Variants in PLK1 observed in about 807,000 individuals in gnomAD.
PLK1 encodes serine/threonine-protein kinase PLK1.
Under a neutral mutation model 56.7 loss-of-function variants are expected in PLK1, and 6 were observed. That is an observed-to-expected ratio of 0.11 (90% CI 0.06 to 0.21). The LOEUF (loss-of-function observed/expected upper bound fraction) is 0.21. Ranked by LOEUF, PLK1 falls within the 10% of genes least tolerant of loss-of-function variation. The pLI is 1.00. For synonymous variants in PLK1, 298 were observed against 325.0 expected, an observed-to-expected ratio of 0.92 and a Z score of 0.89; for missense variants, 546 against 814.4, an observed-to-expected ratio of 0.67 and a Z score of 4.01.
At chr16:23,683,587 G>T (rs375950393) in intron 4 of PLK1, among the ~76,000 whole-genome samples, 3 of 152,300 alleles carry the variant, frequency 2.0e-5, no homozygotes, top group African/African-American at 7.2e-5. Context: ...TGAGGGCTAA[G>T]TGAGCTAAAC....
rs1387460801 is a variant in PLK1 at position 23,680,148 on chromosome 16, G to A, written c.473G>A (p.Arg158Gln). The A allele has an allele frequency of 6.2e-7, 1 of 1,613,968 alleles. No homozygotes were observed. The highest frequency in any genetic ancestry group is 8.5e-7 in the Non-Finnish European group (1 of 1,179,930). The change falls in exon 2 of 10, where the codon CGG becomes CAG. Residue 158 changes from arginine to glutamine, a missense_variant. Arg to Gln is a conservative substitution (Grantham distance 43). Around this residue, in one of 7 missense-constraint regions of PLK1, gnomAD observed 111 missense variants for 211.8 expected, o/e 0.52. Coordinates refer to ENST00000300093, the MANE Select transcript of PLK1 (RefSeq NM_005030.6). ...LTEPEARYYL[R>Q]QIVLGCQYLH... ...GAGCCTGAGGCCCGATACTACCTAC[G>A]GCAAATTGTGCTTGGCTGCCAGTAC...
intron 5 of PLK1, among the ~76,000 whole-genome samples, chr16:23,686,176 C>T (rs548544173): frequency 6.6e-6 from 1 of 152,104 alleles, no homozygotes; most frequent in African/African-American, 2.4e-5. Context: ...GTAGTTGAGA[C>T]TTTAGGCATG....
Position 23,689,854 on chromosome 16 carries a change from T to A in PLK1, c.1609-6T>A, listed in dbSNP as rs889631112. On this transcript the variant is annotated splice_polypyrimidine_tract_variant and splice_region_variant and intron_variant, in intron 9 of 9. Coordinates refer to ENST00000300093, the MANE Select transcript of PLK1 (RefSeq NM_005030.6). The surrounding 1 kb of genome is among the most constrained non-coding windows in gnomAD (Gnocchi z 4.8). The stretch of plus-strand genomic sequence containing the variant: ...ATCGCCAACCCCTGCTGCTCTTCTC[T>A]TGCAGGATCACACCAAGCTCATCTT... 1.9e-6 allele frequency: 3 copies of A among 1,612,320 alleles called. No homozygotes were observed. The African/African-American group carries it at 4.0e-5, about 21-fold the overall frequency.
intron 3 of PLK1, 97 bp from the exon 4 acceptor site, chr16:23,681,967 A>G (rs915629965): frequency 5.5e-6 from 4 of 724,644 alleles, no homozygotes; most frequent in Non-Finnish European, 1.0e-5. Flanking sequence ...GTGAGTGTCC[A>G]GAGGATGCCT....
At position 23,689,950 on chromosome 16, in the gene PLK1, C is replaced by T. The variant is rs777321975; in HGVS notation, c.1699C>T (p.Leu567=). ...RDFRTYRLSL[L]EEYGCCKELA... is the part of the protein sequence containing the mutation. ...CTTCCGCACATACCGCCTGAGTCTCCTGGAGGAGTACGGCTGCTGCAAGGA... is the reference window on the plus strand; with the variant it reads ...CTTCCGCACATACCGCCTGAGTCTCTTGGAGGAGTACGGCTGCTGCAAGGA... The change falls in exon 10 of 10, where the codon CTG becomes TTG. Residue 567 remains leucine, a synonymous_variant. Coordinates refer to ENST00000300093, the MANE Select transcript of PLK1 (RefSeq NM_005030.6). The surrounding 1 kb of genome is among the most constrained non-coding windows in gnomAD (Gnocchi z 4.8). 3.1e-6 allele frequency: 5 copies of T among 1,614,046 alleles called. No individual in the cohort carries two copies. In the South Asian group the frequency reaches 5.5e-5, roughly 18 times the overall value.
At chr16:23,679,895 G>C in intron 1 of PLK1, 189 bp from the exon 2 acceptor site, 1 of 565,646 alleles carries the variant, frequency 1.8e-6, no homozygotes, top group South Asian at 2.3e-5. Context: ...GCAGGGTCCA[G>C]ATGCCGCTGT....
At chr16:23,687,914 A>G (rs1226019701) in intron 6 of PLK1, 2 of 214,786 alleles carry the variant, frequency 9.3e-6, no homozygotes, top group East Asian at 1.8e-4. Context: ...ACCCAGATGT[A>G]CTGCAGCCTC....
chr16:23,679,979 G>A (rs1344698879), intron 1 of PLK1, 105 bp from the exon 2 acceptor site: 1 of 728,256 alleles, frequency 1.4e-6, no homozygotes, highest in Admixed American at 2.6e-5. Context: ...TCCCTTGGGA[G>A]TCCAGAGTCC....
At chr16:23,688,020 T>C (rs1478334883) in intron 6 of PLK1, among the ~76,000 whole-genome samples, 1 of 152,172 alleles carries the variant, frequency 6.6e-6, no homozygotes, top group East Asian at 1.9e-4. Flanking sequence ...CAGTGTCAGC[T>C]CTGTGAGCAT....
intron 3 of PLK1, 93 bp from the exon 4 acceptor site, chr16:23,681,971 G>T (rs1959337592): frequency 1.4e-6 from 1 of 736,596 alleles, no homozygotes; most frequent in Middle Eastern, 3.6e-4. Flanking sequence ...GTGTCCAGAG[G>T]ATGCCTGACC....
chr16:23,684,212 C>T (rs74012331), intron 5 of PLK1, 123 bp downstream of exon 5: 23,421 of 710,116 alleles, frequency 0.033, 1,111 homozygotes, highest in African/African-American at 0.16. Context: ...CTCTGTCCTT[C>T]AATCCGTGGT....
intron 4 of PLK1, among the ~76,000 whole-genome samples, chr16:23,682,382 AC>A (rs1488198646): frequency 6.6e-6 from 1 of 152,192 alleles, no homozygotes; most frequent in Non-Finnish European, 1.5e-5. Flanking sequence ...AGATTGGGTA[AC>A]CCAAAAGTTG....
Position 23,689,786 on chromosome 16 carries a change from G to A in PLK1, c.1609-74G>A, listed in dbSNP as rs1597137752. 4 of 1,532,338 alleles carry A rather than the reference G, an allele frequency of 2.6e-6. No individual in the cohort carries two copies. The highest frequency in any genetic ancestry group is 4.5e-5 in the East Asian group (2 of 44,180). The allele number at this position is 1,532,338 out of a possible 1,614,324, so 94.9% of individuals were successfully genotyped here. ...TGAGCGGCTCAGGTACCTATAACCT[G>A]TTGTGTCTTCCCTCTACTCCCTAAC... On this transcript the variant is annotated intron_variant, in intron 9 of 9. Transcript: ENST00000300093. The surrounding 1 kb of genome is among the most constrained non-coding windows in gnomAD (Gnocchi z 4.8).
chr16:23,689,632 A>G lies in PLK1; in HGVS notation c.1564A>G (p.Ile522Val). The G allele has an allele frequency of 1.2e-6, 2 of 1,612,010 alleles. No individual in the cohort carries two copies. Among genetic ancestry groups the G allele is most frequent in the African/African-American group, 1.3e-5 (1 of 75,032 alleles). ...RTWFRTRSAI[I>V]LHLSNGSVQI... ...CTGGTTCCGCACCCGCAGCGCCATC[A>G]TCCTGCACCTCAGCAACGGCAGCGT... is the stretch of plus-strand genomic sequence containing the variant. Residue 522 changes from isoleucine (I) to valine (V), a missense_variant, in exon 9 of 10, where the codon ATC becomes GTC. This residue lies in a region of PLK1 where 113 missense variants were observed against 202.0 expected (regional missense o/e 0.56). Coordinates refer to ENST00000300093, the MANE Select transcript of PLK1 (RefSeq NM_005030.6). The surrounding 1 kb of genome is among the most constrained non-coding windows in gnomAD (Gnocchi z 4.8).
chr16:23,684,536 T>C lies in PLK1; in HGVS notation c.1036+447T>C, dbSNP rs1418683584. Among the ~76,000 whole-genome samples the C allele has an allele frequency of 2.6e-5, 4 of 151,984 alleles. No individual in the cohort carries two copies. In the East Asian group the frequency reaches 7.8e-4, roughly 30 times the overall value. ...GCCTGGCTGACTTTTCTAATTTTTG[T>C]AGAGACAGTGTTTTGCCATGTTGCC... On this transcript the variant is annotated intron_variant, in intron 5 of 9. Coordinates refer to ENST00000300093, the MANE Select transcript of PLK1 (RefSeq NM_005030.6).
At chr16:23,680,318 G>A (rs2140997543) in intron 2 of PLK1, 66 bp downstream of exon 2, 1 of 1,441,710 alleles carries the variant, frequency 6.9e-7, no homozygotes, top group Non-Finnish European at 9.7e-7. Context: ...GAGGAGGCTG[G>A]GAGAAAGGAA....
chr16:23,689,415 G>T lies in PLK1; in HGVS notation c.1425+23G>T, dbSNP rs201917870. On this transcript the variant is annotated intron_variant, in intron 8 of 9. Transcript: ENST00000300093. This position sits in a 1 kb window ranked among gnomAD's most constrained non-coding sequence, Gnocchi z 4.8. Reference sequence around the variant, plus strand: ...AAGGTGAGTGCCGTCCGGCCCATGGGGGGTGGTGTTGCAGAAGTGGGACCT... The same window carrying T: ...AAGGTGAGTGCCGTCCGGCCCATGGTGGGTGGTGTTGCAGAAGTGGGACCT... 6.3e-4 allele frequency: 1,008 copies of T among 1,602,560 alleles called. No individual in the cohort carries two copies. Among genetic ancestry groups the T allele is most frequent in the Non-Finnish European group, 8.1e-4 (950 of 1,170,142 alleles).
At chr16:23,679,475 C>T in intron 1 of PLK1, 135 bp downstream of exon 1, 2 of 772,198 alleles carry the variant, frequency 2.6e-6, no homozygotes, top group Non-Finnish European at 2.0e-6. Context: ...TGGGAGCCTC[C>T]CGCTTACGTA....
intron 2 of PLK1, 151 bp downstream of exon 2, chr16:23,680,403 T>A: frequency 1.6e-6 from 1 of 613,572 alleles, no homozygotes. Flanking sequence ...ATTTTTTTTT[T>A]ACAAAGAATT....
Sources: gnomAD v4.1 joint callset for allele counts (sites outside exome capture counted in the v4.1 genomes callset) on GRCh38, gnomAD v4.1.1 for gene constraint, gnomAD v4.1.1 regional missense constraint, Gnocchi (gnomAD v3.1) non-coding constraint, MANE v1.5 for transcripts, NCBI Gene and HGNC (gene_info 2026-07-23, HGNC 2026-07-21) for gene names.